SPRED1: variants seen among roughly 807,000 people sequenced by gnomAD.
SPRED1 encodes the protein sprouty-related, EVH1 domain-containing protein 1.
SPRED1 carries 18 observed loss-of-function variants against 52.3 expected under a neutral mutation model. The observed-to-expected ratio is 0.34, with a 90% CI of 0.24 to 0.51. The LOEUF (loss-of-function observed/expected upper bound fraction) is 0.51. Among genes scored for constraint, SPRED1 ranks in the 20% least tolerant of loss-of-function variants. The probability of loss-of-function intolerance (pLI) is 0.97; values close to 1 mark genes in which losing one functional copy is unlikely to be tolerated. For synonymous variants in SPRED1, 155 were observed against 179.7 expected (o/e 0.86, Z 1.10); for missense variants, 485 against 551.0 (o/e 0.88, Z 1.20).
intron 2 of SPRED1, among the ~76,000 whole-genome samples, chr15:38,307,734 A>G (rs1275113614): frequency 6.6e-6 from 1 of 152,174 alleles, no homozygotes; most frequent in Non-Finnish European, 1.5e-5. Flanking sequence ...GGTAACTTTA[A>G]TAAGAAGTTT....
chr15:38,323,695 C>T (rs1895650037), intron 3 of SPRED1, among the ~76,000 whole-genome samples: 1 of 151,984 alleles, frequency 6.6e-6, no homozygotes, highest in South Asian at 2.1e-4. Flanking sequence ...TGGTTTGACG[C>T]CATACTCTGG....
At chr15:38,289,374 C>G (rs1437724287) in intron 1 of SPRED1, among the ~76,000 whole-genome samples, 4 of 148,334 alleles carry the variant, frequency 2.7e-5, no homozygotes, top group Non-Finnish European at 5.9e-5. Context: ...TTTGTCTTTT[C>G]TTACTGATTT....
chr15:38,342,823 T>C (rs1222181031), intron 5 of SPRED1, among the ~76,000 whole-genome samples: 2 of 152,142 alleles, frequency 1.3e-5, no homozygotes, highest in Admixed American at 1.3e-4. Context: ...TTGAACAGAT[T>C]TAGAAATTTT....
chr15:38,339,015 T>C (rs1307758334), intron 4 of SPRED1, among the ~76,000 whole-genome samples: 1 of 152,116 alleles, frequency 6.6e-6, no homozygotes, highest in Non-Finnish European at 1.5e-5. Context: ...TTTTCTTAAA[T>C]AATTATACAG....
intron 2 of SPRED1, among the ~76,000 whole-genome samples, chr15:38,310,611 T>C (rs1895346901): frequency 6.6e-6 from 1 of 152,242 alleles, no homozygotes; most frequent in Non-Finnish European, 1.5e-5. Context: ...GGTCTTTGAA[T>C]CCTTTCATTA....
intron 1 of SPRED1, among the ~76,000 whole-genome samples, chr15:38,264,571 T>TTA (rs397759116): frequency 1.1e-4 from 16 of 151,430 alleles, no homozygotes; most frequent in East Asian, 5.8e-4. Context: ...ATGTTTTTTT[T>TTA]AAAAAAGAGT....
intron 4 of SPRED1, among the ~76,000 whole-genome samples, chr15:38,334,821 G>A (rs2141003761): frequency 6.6e-6 from 1 of 150,980 alleles, no homozygotes; most frequent in African/African-American, 2.4e-5. Flanking sequence ...CTGTGATTGT[G>A]TATGTGTGTG....
chr15:38,320,804 A>G (rs1895585787), intron 2 of SPRED1, among the ~76,000 whole-genome samples: 1 of 152,206 alleles, frequency 6.6e-6, no homozygotes, highest in African/African-American at 2.4e-5. Flanking sequence ...GATTAATTGC[A>G]AAGATCACTA....
intron 1 of SPRED1, among the ~76,000 whole-genome samples, chr15:38,288,054 C>G (rs1894845046): frequency 6.6e-6 from 1 of 152,122 alleles, no homozygotes; most frequent in Non-Finnish European, 1.5e-5. Context: ...GAGAAAAGTT[C>G]TGTATCTTAC....
At chr15:38,307,515 C>G (rs1895273982) in intron 2 of SPRED1, among the ~76,000 whole-genome samples, 2 of 152,092 alleles carry the variant, frequency 1.3e-5, no homozygotes, top group African/African-American at 2.4e-5. Context: ...GATTAGGGCC[C>G]CACCTTTATG....
chr15:38,266,647 C>CAAAA (rs528118336), intron 1 of SPRED1, among the ~76,000 whole-genome samples: 512 of 4,692 alleles, frequency 0.11, 1 homozygote, highest in South Asian at 0.23. Flanking sequence ...TCTCAAAAAA[C>CAAAA]AAACAAACAA....
At chr15:38,307,964 G>T (rs1229030141) in intron 2 of SPRED1, among the ~76,000 whole-genome samples, 4 of 152,064 alleles carry the variant, frequency 2.6e-5, no homozygotes, top group South Asian at 4.2e-4. Context: ...AGCTCTTCAT[G>T]CAGCTTTTAG....
intron 1 of SPRED1, among the ~76,000 whole-genome samples, chr15:38,289,685 A>G (rs1894881772): frequency 6.6e-6 from 1 of 152,226 alleles, no homozygotes; most frequent in Non-Finnish European, 1.5e-5. Context: ...GAGAGAAGCA[A>G]TATTCATGAC....
intron 1 of SPRED1, among the ~76,000 whole-genome samples, chr15:38,266,634 C>T (rs8034611): frequency 0.78 from 117,834 of 150,422 alleles, 47,093 homozygotes; most frequent in South Asian, 0.88. Flanking sequence ...GAGTGAGACT[C>T]TGTCTCAAAA....
chr15:38,321,141 A>G (rs1895594091), intron 2 of SPRED1, among the ~76,000 whole-genome samples: 1 of 152,230 alleles, frequency 6.6e-6, no homozygotes, highest in Non-Finnish European at 1.5e-5. Flanking sequence ...AGAGCAGTAG[A>G]ACATAATATA....
At chr15:38,328,386 C>T (rs1916152) in intron 4 of SPRED1, among the ~76,000 whole-genome samples, 125,357 of 152,146 alleles carry the variant, frequency 0.82, 52,440 homozygotes, top group Non-Finnish European at 0.9. Context: ...CTAGACATTT[C>T]CTTCATAAGC....
At chr15:38,286,559 T>A (rs1261382767) in intron 1 of SPRED1, among the ~76,000 whole-genome samples, 2 of 151,722 alleles carry the variant, frequency 1.3e-5, no homozygotes, top group African/African-American at 4.8e-5. Context: ...TTTTTAAGTC[T>A]GTGGTAATGT....
chr15:38,320,434 C>T (rs1895578219), intron 2 of SPRED1, among the ~76,000 whole-genome samples: 1 of 152,106 alleles, frequency 6.6e-6, no homozygotes, highest in Non-Finnish European at 1.5e-5. Context: ...GAATTTTAGT[C>T]TTGAAAGCAT....
intron 1 of SPRED1, 35 bp downstream of exon 1, chr15:38,253,252 C>G (rs1353777515): frequency 6.4e-7 from 1 of 1,556,276 alleles, no homozygotes; most frequent in South Asian, 1.2e-5. Flanking sequence ...GCTAATCCCC[C>G]TCCCCCTATC....
Sources: gnomAD v4.1 joint callset for allele counts (sites outside exome capture counted in the v4.1 genomes callset) on GRCh38, gnomAD v4.1.1 for gene constraint, MANE v1.5 for transcripts, NCBI Gene and HGNC (gene_info 2026-07-23, HGNC 2026-07-21) for gene names.